Variants in SLCO2A1 observed in about 807,000 individuals in gnomAD.
SLCO2A1 encodes the protein matrin F/G 1.
In SLCO2A1, 60 loss-of-function variants were observed where a neutral mutation model predicts 71.7. The observed-to-expected ratio is 0.84, with a 90% CI of 0.68 to 1.04. The LOEUF (loss-of-function observed/expected upper bound fraction) is 1.04. Among genes scored for constraint, SLCO2A1 ranks in the 50% least tolerant of loss-of-function variants. The probability of loss-of-function intolerance (pLI) is 0.00; values close to 1 mark genes in which losing one functional copy is unlikely to be tolerated. For missense variants in SLCO2A1, 745 were observed against 813.4 expected (o/e 0.92, Z 1.02); for synonymous variants, 308 against 326.7 (o/e 0.94, Z 0.62).
intron 2 of SLCO2A1, among the ~76,000 whole-genome samples, chr3:133,977,309 ATTATTT>A (rs1441709045): frequency 6.6e-6 from 1 of 152,194 alleles, no homozygotes; most frequent in Non-Finnish European, 1.5e-5. Context: ...TAATGGGTGA[ATTATTT>A]TTATTTCTGA....
chr3:133,939,306 GAGAGGGAGGACACCT>G (rs1220569784), intron 11 of SLCO2A1, among the ~76,000 whole-genome samples: 3 of 152,218 alleles, frequency 2.0e-5, no homozygotes, highest in African/African-American at 7.2e-5. Context: ...GGGGAGTGGA[GAGAGGGAGGACACCT>G]CCACACAAGG....
intron 6 of SLCO2A1, 106 bp downstream of exon 6, chr3:133,951,102 C>G: frequency 2.0e-5 from 30 of 1,470,922 alleles, no homozygotes; most frequent in Non-Finnish European, 2.8e-5. Context: ...AGATTTCACC[C>G]TGAATTTGCT....
intron 6 of SLCO2A1, 94 bp from the exon 7 acceptor site, chr3:133,949,065 G>A (rs1933668174): frequency 2.7e-6 from 3 of 1,121,596 alleles, no homozygotes; most frequent in African/African-American, 3.1e-5. Context: ...GAAGCTCAGG[G>A]CTGGGTGGAG....
intron 2 of SLCO2A1, among the ~76,000 whole-genome samples, chr3:133,978,359 G>C (rs1934508754): frequency 1.3e-5 from 2 of 152,178 alleles, no homozygotes; most frequent in Admixed American, 1.3e-4. Context: ...TCTGATGCCG[G>C]GTTCCTTGTC....
intron 3 of SLCO2A1, among the ~76,000 whole-genome samples, chr3:133,957,094 C>G (rs1933915338): frequency 1.3e-5 from 2 of 152,246 alleles, no homozygotes; most frequent in South Asian, 4.1e-4. Context: ...TCTTTCTGCT[C>G]TAGGCTCTAG....
chr3:133,945,396 G>T, intron 9 of SLCO2A1, 136 bp from the exon 10 acceptor site: 1 of 838,992 alleles, frequency 1.2e-6, no homozygotes, highest in Non-Finnish European at 1.8e-6. Context: ...TGCCACCCTG[G>T]GATCTGAATT....
chr3:133,945,258 G>T lies in SLCO2A1; in HGVS notation c.1298C>A (p.Thr433Lys), dbSNP rs202018221. Residue 433 changes from threonine (T) to lysine (K), a missense_variant and splice_region_variant, in exon 10 of 14, where the codon ACA becomes AAA. By Grantham distance (78) the Thr-to-Lys change is moderately conservative (BLOSUM62 -1). Coordinates refer to ENST00000310926, the MANE Select transcript of SLCO2A1 (RefSeq NM_005630.3). ...AGACTGCGGATGTATAGAACTTGAT[G>T]TGCTGCCAGCAAAAGAGGAAACGGG... ...PTVAEVYPPS[T>K]SSSIHPQSPA... The T allele has an allele frequency of 1.9e-6, 3 of 1,601,830 alleles. No homozygotes were observed. The Admixed American group carries it at 5.3e-5, about 28-fold the overall frequency.
intron 1 of SLCO2A1, among the ~76,000 whole-genome samples, chr3:134,027,206 T>C (rs1319886902): frequency 6.6e-6 from 1 of 152,196 alleles, no homozygotes; most frequent in Non-Finnish European, 1.5e-5. Context: ...ACCCCTCATA[T>C]TGTCTTATGC....
intron 1 of SLCO2A1, among the ~76,000 whole-genome samples, chr3:134,004,607 T>TA (rs1935170441): frequency 6.6e-6 from 1 of 152,168 alleles, no homozygotes; most frequent in Non-Finnish European, 1.5e-5. Flanking sequence ...GTGTTGGGAT[T>TA]ACAGGTGTGA....
chr3:133,946,236 G>GAA (rs113147743), intron 9 of SLCO2A1, among the ~76,000 whole-genome samples: 1,158 of 94,412 alleles, frequency 0.012, 14 homozygotes, highest in African/African-American at 0.041. Context: ...TCATTTCAAA[G>GAA]AAAAAAAAAA....
At chr3:133,970,589 T>G (rs1934300533) in intron 3 of SLCO2A1, among the ~76,000 whole-genome samples, 1 of 152,256 alleles carries the variant, frequency 6.6e-6, no homozygotes, top group Non-Finnish European at 1.5e-5. Context: ...ACTGGCACCG[T>G]GTGCAGCCCC....
rs779086140 is a variant in SLCO2A1 at position 133,948,535 on chromosome 3, C to A, written c.1105+1G>T. 2 of 1,612,766 alleles carry A rather than the reference C, an allele frequency of 1.2e-6. No homozygotes were observed. The highest frequency in any genetic ancestry group is 1.7e-6 in the Non-Finnish European group (2 of 1,179,334). Reference sequence around the variant, plus strand: ...GATCCTGCAGCACCCTCTGGGCTCACCAATGAGGAAGTTGGCATAGGCTGC... The same window carrying A: ...GATCCTGCAGCACCCTCTGGGCTCAACAATGAGGAAGTTGGCATAGGCTGC... On this transcript the variant is annotated splice_donor_variant, in intron 8 of 13. Transcript: ENST00000310926. LOFTEE classifies it high-confidence loss of function.
intron 1 of SLCO2A1, among the ~76,000 whole-genome samples, chr3:133,991,328 G>C (rs1418041459): frequency 5.9e-5 from 9 of 152,152 alleles, no homozygotes; most frequent in Non-Finnish European, 1.0e-4. Flanking sequence ...CCGTTGGCCT[G>C]CTCACCCCTC....
chr3:133,956,141 G>A (rs7340718), intron 3 of SLCO2A1, among the ~76,000 whole-genome samples: 54,526 of 152,004 alleles, frequency 0.36, 9,947 homozygotes, highest in Non-Finnish European at 0.36. Context: ...AACCACTGAC[G>A]TCACCAATCT....
intron 1 of SLCO2A1, among the ~76,000 whole-genome samples, chr3:133,980,506 G>A (rs935129866): frequency 2.0e-5 from 3 of 152,228 alleles, no homozygotes; most frequent in African/African-American, 4.8e-5. Flanking sequence ...CGCTGACACC[G>A]AACAGGCTCT....
intron 11 of SLCO2A1, among the ~76,000 whole-genome samples, chr3:133,941,482 G>GC (rs1019388056): frequency 2.6e-5 from 4 of 151,996 alleles, no homozygotes; most frequent in African/African-American, 9.7e-5. Context: ...TTTAATCCTG[G>GC]CACCGGGAGT....
At chr3:133,956,331 G>T (rs1933897207) in intron 3 of SLCO2A1, among the ~76,000 whole-genome samples, 1 of 152,112 alleles carries the variant, frequency 6.6e-6, no homozygotes, top group African/African-American at 2.4e-5. Flanking sequence ...GGGGAGAGGG[G>T]TCTGTGCTCT....
chr3:133,953,813 C>G, intron 4 of SLCO2A1, 52 bp from the exon 5 acceptor site: 1 of 1,441,922 alleles, frequency 6.9e-7, no homozygotes, highest in Non-Finnish European at 9.8e-7. Context: ...GAGAGTTTGG[C>G]AGCCTTGGGC....
rs145218614 is a variant in SLCO2A1, at chr3:133,944,847, C to G, written c.1461+248G>C. Among the ~76,000 whole-genome samples, 215 of 152,312 alleles carry G rather than the reference C, an allele frequency of 1.4e-3. 1 individual carries two copies. Among genetic ancestry groups the G allele is most frequent in the African/African-American group, 5.0e-3 (209 of 41,566 alleles). On this transcript the variant is annotated intron_variant, in intron 10 of 13. Coordinates refer to ENST00000310926, the MANE Select transcript of SLCO2A1 (RefSeq NM_005630.3). ...GTTTCTGCTCTGAGCAGTTAGGCCT[C>G]AAGAATGTGAATTTGTTGGACATCG... is the stretch of plus-strand genomic sequence containing the variant.
Sources: gnomAD v4.1 joint callset for allele counts (sites outside exome capture counted in the v4.1 genomes callset) on GRCh38, gnomAD v4.1.1 for gene constraint, MANE v1.5 for transcripts, NCBI Gene and HGNC (gene_info 2026-07-23, HGNC 2026-07-21) for gene names.